Variants in STARD13 observed in about 807,000 individuals in gnomAD.
The protein encoded by STARD13 is stAR-related lipid transfer protein 13.
Under a neutral mutation model 106.4 loss-of-function variants are expected in STARD13, and 62 were observed. The observed-to-expected ratio is 0.58, with a 90% CI of 0.48 to 0.72. STARD13 has a LOEUF of 0.72. STARD13 is among the 30% of genes least tolerant of loss of function. The pLI is 0.00. For synonymous variants in STARD13, 565 were observed against 553.0 expected, an observed-to-expected ratio of 1.02 and a Z score of -0.31; for missense variants, 1,387 against 1,424.0, an observed-to-expected ratio of 0.97 and a Z score of 0.42.
At chr13:33,667,617 T>TTC in the STARD13 span, among the ~76,000 whole-genome samples, 2 of 152,344 alleles carry the variant, frequency 1.3e-5, no homozygotes, top group East Asian at 3.9e-4. Flanking sequence ...CATTAGATAA[T>TTC]GTATCATTAA....
chr13:33,625,822 C>T, the STARD13 span, among the ~76,000 whole-genome samples: 1 of 151,916 alleles, frequency 6.6e-6, no homozygotes, highest in African/African-American at 2.4e-5. Flanking sequence ...CTGCCTCAGC[C>T]TCCCTAGTAG....
the STARD13 span, among the ~76,000 whole-genome samples, chr13:33,562,870 C>G: frequency 6.8e-6 from 1 of 147,018 alleles, no homozygotes. Flanking sequence ...CAAAGAAACC[C>G]TTGCCACCAA....
chr13:33,430,392 A>T, the STARD13 span, among the ~76,000 whole-genome samples: 1 of 152,316 alleles, frequency 6.6e-6, no homozygotes, highest in South Asian at 2.1e-4. Flanking sequence ...AAAAATCAAA[A>T]ATTAGAATAC....
chr13:33,644,734 T>A, the STARD13 span, among the ~76,000 whole-genome samples: 1 of 151,892 alleles, frequency 6.6e-6, no homozygotes, highest in Non-Finnish European at 1.5e-5. Flanking sequence ...TGTGGGTGAG[T>A]CTGTGTTCCA....
intron 1 of STARD13, among the ~76,000 whole-genome samples, chr13:33,302,489 C>T (rs1354963873): frequency 1.3e-5 from 2 of 152,140 alleles, no homozygotes; most frequent in Non-Finnish European, 2.9e-5. Context: ...GATCATGGCT[C>T]ACTGAAGCCT....
At chr13:33,495,911 T>C in the STARD13 span, among the ~76,000 whole-genome samples, 1 of 144,426 alleles carries the variant, frequency 6.9e-6, no homozygotes, top group Non-Finnish European at 1.5e-5. Flanking sequence ...TGTTATTATA[T>C]TATATAGTTA....
At chr13:33,112,231 T>C (rs1419604720) in intron 9 of STARD13, among the ~76,000 whole-genome samples, 3 of 152,236 alleles carry the variant, frequency 2.0e-5, no homozygotes, top group African/African-American at 7.2e-5. Context: ...ACTTTGTGTA[T>C]GTTTTCCTCC....
chr13:33,640,251 GC>G, the STARD13 span, among the ~76,000 whole-genome samples: 1 of 152,162 alleles, frequency 6.6e-6, no homozygotes, highest in South Asian at 2.1e-4. Flanking sequence ...TCTGCAAGCT[GC>G]CCATATCTTT....
At chr13:33,267,069 T>A (rs116925848) in intron 1 of STARD13, among the ~76,000 whole-genome samples, 4,011 of 152,272 alleles carry the variant, frequency 0.026, 89 homozygotes, top group Non-Finnish European at 0.04. Context: ...TATCTTATCA[T>A]AATCCTTCCA....
the STARD13 span, among the ~76,000 whole-genome samples, chr13:33,390,057 T>C: frequency 6.6e-6 from 1 of 152,252 alleles, no homozygotes; most frequent in South Asian, 2.1e-4. Context: ...CAAAATTTCA[T>C]ACCGTCATTG....
chr13:33,528,016 G>A, the STARD13 span, among the ~76,000 whole-genome samples: 11 of 150,824 alleles, frequency 7.3e-5, no homozygotes, highest in African/African-American at 2.7e-4. Flanking sequence ...TCAGAGCCTA[G>A]CATAGACTGA....
At chr13:33,192,846 C>G (rs143767628) in intron 1 of STARD13, among the ~76,000 whole-genome samples, 2 of 151,870 alleles carry the variant, frequency 1.3e-5, no homozygotes, top group Admixed American at 6.6e-5. Flanking sequence ...TGCAGTGAGC[C>G]GAGATTGCAC....
chr13:33,117,194 C>T (rs958629006), intron 8 of STARD13, among the ~76,000 whole-genome samples: 9 of 152,162 alleles, frequency 5.9e-5, no homozygotes, highest in Non-Finnish European at 1.2e-4. Flanking sequence ...CTGCAACCTC[C>T]GTCTCCTGGG....
intron 1 of STARD13, among the ~76,000 whole-genome samples, chr13:33,317,502 C>T (rs1893385039): frequency 6.6e-6 from 1 of 152,128 alleles, no homozygotes; most frequent in South Asian, 2.1e-4. Context: ...TTGCCCTCTA[C>T]TGTCAATTCT....
At chr13:33,523,546 C>G in the STARD13 span, among the ~76,000 whole-genome samples, 1 of 152,064 alleles carries the variant, frequency 6.6e-6, no homozygotes, top group African/African-American at 2.4e-5. Context: ...CCTTCTATAT[C>G]TAACACTGGT....
the STARD13 span, among the ~76,000 whole-genome samples, chr13:33,522,162 G>A: frequency 6.6e-6 from 1 of 152,070 alleles, no homozygotes; most frequent in African/African-American, 2.4e-5. Flanking sequence ...TAATTAAGAT[G>A]TGCTATATTT....
At chr13:33,480,867 A>C in the STARD13 span, among the ~76,000 whole-genome samples, 5 of 152,146 alleles carry the variant, frequency 3.3e-5, no homozygotes, top group Non-Finnish European at 7.4e-5. Flanking sequence ...ATGATCCTGA[A>C]AGGTCTTATC....
chr13:33,458,506 T>A, the STARD13 span, among the ~76,000 whole-genome samples: 1 of 152,188 alleles, frequency 6.6e-6, no homozygotes, highest in Non-Finnish European at 1.5e-5. Context: ...GAGAAACTTT[T>A]AAGTTTAGCA....
the STARD13 span, among the ~76,000 whole-genome samples, chr13:33,555,346 T>G: frequency 6.6e-6 from 1 of 152,212 alleles, no homozygotes; most frequent in Non-Finnish European, 1.5e-5. Context: ...TTGTTTATTT[T>G]TAGTCAGAGG....
Sources: gnomAD v4.1 joint callset for allele counts (sites outside exome capture counted in the v4.1 genomes callset) on GRCh38, gnomAD v4.1.1 for gene constraint, MANE v1.5 for transcripts, NCBI Gene and HGNC (gene_info 2026-07-23, HGNC 2026-07-21) for gene names.